The following RORB variants were observed in gnomAD, a reference collection of about 807,000 sequenced individuals.
RORB encodes the protein RAR related orphan receptor B.
Under a neutral mutation model 59.1 loss-of-function variants are expected in RORB, and 6 were observed. The ratio of observed to expected loss-of-function variants is 0.10; its 90% confidence interval spans 0.06 to 0.20. The LOEUF is 0.20. RORB is among the 10% of genes least tolerant of loss of function. The pLI is 1.00. For missense variants in RORB, 320 were observed against 560.5 expected (o/e 0.57, Z 4.33); for synonymous variants, 215 against 204.5 (o/e 1.05, Z -0.44).
rs368101201 is a variant in RORB at position 74,661,808 on chromosome 9, G to A, written c.760-666G>A. Among the ~76,000 whole-genome samples, 89 of 151,404 alleles carry A rather than the reference G, an allele frequency of 5.9e-4. 1 individual carries two copies. The highest frequency in any genetic ancestry group is 2.1e-3 in the African/African-American group (87 of 41,250). ...TACAGGCGCCCCCCCACCACGCCCA[G>A]CTAATTTTTTGTATTTTTAGTAGAG... is the stretch of plus-strand genomic sequence containing the variant. On this transcript the variant is annotated intron_variant, in intron 5 of 9. Transcript: ENST00000376896.
chr9:74,514,491 C>T (rs952213434), intron 1 of RORB, among the ~76,000 whole-genome samples: 4 of 151,908 alleles, frequency 2.6e-5, no homozygotes, highest in Non-Finnish European at 5.9e-5. Flanking sequence ...TTGCTGACCG[C>T]CAACACTTGA....
At chr9:74,642,897 C>CT in intron 4 of RORB, 82 bp downstream of exon 4, 4 of 1,036,318 alleles carry the variant, frequency 3.9e-6, no homozygotes, top group Non-Finnish European at 5.5e-6. Flanking sequence ...TGGTAATTTT[C>CT]TTAAGACTTA....
chr9:74,541,279 CAAAAAAAAAAAAA>C (rs374556016), intron 1 of RORB, among the ~76,000 whole-genome samples: 3 of 43,614 alleles, frequency 6.9e-5, no homozygotes, highest in African/African-American at 3.2e-4. Flanking sequence ...GACTCCATCT[CAAAAAAAAAAAAA>C]AAAAAAAAAA....
intron 1 of RORB, among the ~76,000 whole-genome samples, chr9:74,578,367 G>A (rs1424841202): frequency 6.6e-6 from 1 of 152,092 alleles, no homozygotes; most frequent in Non-Finnish European, 1.5e-5. Context: ...GATCCAAACT[G>A]AACATCTTTC....
chr9:74,549,082 G>A (rs1346615180), intron 1 of RORB, among the ~76,000 whole-genome samples: 1 of 152,112 alleles, frequency 6.6e-6, no homozygotes, highest in African/African-American at 2.4e-5. Context: ...AAAAACTTTT[G>A]AAATATGCGT....
At chr9:74,616,040 T>A (rs1563953693) in intron 1 of RORB, among the ~76,000 whole-genome samples, 1 of 152,196 alleles carries the variant, frequency 6.6e-6, no homozygotes, top group African/African-American at 2.4e-5. Flanking sequence ...TCTATTTGAT[T>A]TATATATATG....
intron 1 of RORB, among the ~76,000 whole-genome samples, chr9:74,583,281 C>T (rs767384372): frequency 8.5e-5 from 13 of 152,146 alleles, no homozygotes; most frequent in Non-Finnish European, 1.6e-4. Context: ...CCCAGGCAGA[C>T]AATTCCCAAA....
chr9:74,574,629 A>G (rs954210476), intron 1 of RORB, among the ~76,000 whole-genome samples: 1 of 152,162 alleles, frequency 6.6e-6, no homozygotes, highest in Non-Finnish European at 1.5e-5. Context: ...ACAAAACCTC[A>G]GAGTCAGAAT....
At chr9:74,544,236 A>G (rs1271883345) in intron 1 of RORB, among the ~76,000 whole-genome samples, 1 of 152,134 alleles carries the variant, frequency 6.6e-6, no homozygotes, top group African/African-American at 2.4e-5. Context: ...GGACACAGCT[A>G]TTGATGTTGA....
Position 74,537,754 on chromosome 9 carries a change from C to T in RORB, c.7+39771C>T, listed in dbSNP as rs528821825. Reference sequence around the variant, plus strand: ...AATACAGTCATGTGCCACATAGCAACATTTTGGTCTGATGAGGGTACCATA... The same window carrying T: ...AATACAGTCATGTGCCACATAGCAATATTTTGGTCTGATGAGGGTACCATA... On this transcript the variant is annotated intron_variant, in intron 1 of 9. Transcript: ENST00000376896. Among the ~76,000 whole-genome samples the T allele has an allele frequency of 7.9e-5, 12 of 152,136 alleles. No homozygotes were observed. In the South Asian group the frequency reaches 2.3e-3, roughly 29 times the overall value.
At chr9:74,666,767 T>C (rs1163500621) in intron 7 of RORB, among the ~76,000 whole-genome samples, 1 of 152,220 alleles carries the variant, frequency 6.6e-6, no homozygotes, top group Non-Finnish European at 1.5e-5. Flanking sequence ...TCCCAGACCA[T>C]TCCTGTGGGA....
rs988419824 is a variant in RORB, at chr9:74,497,767, T to A, written c.-210T>A. ...AACAAACAAACAATCATCAAAACAG[T>A]CACCACCAACATCAAAACTGTTAAC... is the stretch of plus-strand genomic sequence containing the variant. On this transcript the variant is annotated 5_prime_UTR_variant, in exon 1 of 10. Transcript: ENST00000376896. The A allele has an allele frequency of 1.8e-6, 1 of 557,640 alleles. No homozygotes were observed. The highest frequency in any genetic ancestry group is 3.2e-6 in the Non-Finnish European group (1 of 309,872). 34.5% of individuals were successfully genotyped at this position (557,640 alleles called of 1,614,324 possible). A position where few individuals can be genotyped will look rare whatever the true frequency, so the allele number is the denominator to read the frequency against.
At chr9:74,653,287 C>G (rs1308768716) in intron 4 of RORB, among the ~76,000 whole-genome samples, 1 of 152,114 alleles carries the variant, frequency 6.6e-6, no homozygotes, top group Non-Finnish European at 1.5e-5. Flanking sequence ...TAGAGATATC[C>G]TGCCACTAAT....
intron 1 of RORB, among the ~76,000 whole-genome samples, chr9:74,556,332 G>C (rs1822290116): frequency 6.6e-6 from 1 of 152,180 alleles, no homozygotes; most frequent in Non-Finnish European, 1.5e-5. Context: ...GATGGTGAAA[G>C]AGTGTCATAT....
chr9:74,642,300 G>A, intron 3 of RORB, 114 bp from the exon 4 acceptor site: 1 of 1,038,704 alleles, frequency 9.6e-7, no homozygotes, highest in Admixed American at 2.3e-5. Flanking sequence ...TATGGTGCTA[G>A]ACATTTGTGC....
In RORB at chr9:74,497,836, C is replaced by G. The variant is rs1195869391; in HGVS notation, c.-141C>G. On this transcript the variant is annotated 5_prime_UTR_variant, in exon 1 of 10. Transcript: ENST00000376896. ...AACGTCACCCTGCAGCCACGGCGTC[C>G]GCCTAAAGGGATGGTTTTCTCGGCA... The G allele has an allele frequency of 1.0e-6, 1 of 972,462 alleles. No homozygotes were observed. The highest frequency in any genetic ancestry group is 1.5e-6 in the Non-Finnish European group (1 of 645,284). The allele number at this position is 972,462 out of a possible 1,614,324, so 60.2% of individuals were successfully genotyped here.
At position 74,561,542 on chromosome 9, in the gene RORB, A is replaced by G. The variant is rs1587360092; in HGVS notation, c.7+63559A>G. ...TGGAAACATTCAAACTAGAATTGTGATAGTTTTATTGGGATGAATGAGTCC... is the reference window on the plus strand; with the variant it reads ...TGGAAACATTCAAACTAGAATTGTGGTAGTTTTATTGGGATGAATGAGTCC... On this transcript the variant is annotated intron_variant, in intron 1 of 9. Transcript: ENST00000376896. Among the ~76,000 whole-genome samples, 8 of 152,236 alleles carry G rather than the reference A, an allele frequency of 5.3e-5. No individual in the cohort carries two copies. In the South Asian group the frequency reaches 1.7e-3, roughly 32 times the overall value.
intron 9 of RORB, among the ~76,000 whole-genome samples, chr9:74,677,619 T>C (rs1179214898): frequency 2.6e-5 from 4 of 152,140 alleles, no homozygotes; most frequent in African/African-American, 9.7e-5. Flanking sequence ...AGAGGGAGAT[T>C]CACCTCCCCT....
intron 1 of RORB, among the ~76,000 whole-genome samples, chr9:74,553,969 C>G (rs1826651553): frequency 6.6e-6 from 1 of 152,152 alleles, no homozygotes; most frequent in Non-Finnish European, 1.5e-5. Context: ...ACTCCCTGAC[C>G]CACAGCGTCA....
Sources: allele counts gnomAD v4.1 joint callset (sites outside exome capture counted in the v4.1 genomes callset), GRCh38; gene constraint gnomAD v4.1.1; transcripts MANE v1.5; gene names NCBI Gene and HGNC (gene_info 2026-07-23, HGNC 2026-07-21).